The following CD99L2 variants were observed in gnomAD, a reference collection of about 807,000 sequenced individuals.
CD99L2 encodes CD99 antigen-like protein 2.
In CD99L2, 24 loss-of-function variants were observed where a neutral mutation model predicts 27.3. The ratio of observed to expected loss-of-function variants is 0.88; its 90% CI spans 0.64 to 1.24. CD99L2 has a LOEUF of 1.24. Among genes scored for constraint, CD99L2 ranks in the 50% most tolerant of loss-of-function variants. The pLI is 0.00. For missense variants in CD99L2, 255 were observed against 221.6 expected (o/e 1.15, Z -0.96); for synonymous variants, 97 against 87.9 (o/e 1.10, Z -0.58).
intron 6 of CD99L2, 84 bp from the exon 7 acceptor site, chrX:150,793,840 G>A (rs2045739626): frequency 2.3e-5 from 18 of 774,971 alleles, no homozygotes; most frequent in Non-Finnish European, 3.1e-5. Context: ...CCAAAATTCA[G>A]AAAATGATTC....
At chrX:150,798,230 AAGGAAGGAAGGAAGGAAGGG>A (rs2045842723) in intron 4 of CD99L2, among the ~76,000 whole-genome samples, 2 of 14,993 alleles carry the variant, frequency 1.3e-4, no homozygotes, top group East Asian at 2.9e-3. Context: ...GGAAGGAAGG[AAGGAAGGAAGGAAGGAAGGG>A]AGGGAGGGAG....
At chrX:150,796,244 A>C (rs189914268) in intron 4 of CD99L2, among the ~76,000 whole-genome samples, 39 of 112,643 alleles carry the variant, frequency 3.5e-4, no homozygotes, top group African/African-American at 1.2e-3. Context: ...TGATATCCAA[A>C]CTGCCTAGGG....
At chrX:150,828,777 T>C (rs1045441482) in intron 2 of CD99L2, 77 of 111,560 alleles carry the variant, frequency 6.9e-4, no homozygotes, top group African/African-American at 2.4e-3. Context: ...ACAGGTACTA[T>C]TATAACAACA....
At chrX:150,840,107 TG>T (rs1307352012) in intron 1 of CD99L2, among the ~76,000 whole-genome samples, 1 of 109,227 alleles carries the variant, frequency 9.2e-6, no homozygotes, top group East Asian at 2.9e-4. Context: ...AGGCTGAGGC[TG>T]GGGGGATCAC....
At chrX:150,874,558 T>TG (rs1557422262) in intron 1 of CD99L2, among the ~76,000 whole-genome samples, 1 of 3,499 alleles carries the variant, frequency 2.9e-4, no homozygotes, top group African/African-American at 1.4e-3. Context: ...ATCCACCAAA[T>TG]GGGGGGCGGG....
intron 4 of CD99L2, among the ~76,000 whole-genome samples, chrX:150,798,169 A>T (rs1603293417): frequency 1.3e-4 from 1 of 7,992 alleles, no homozygotes; most frequent in Non-Finnish European, 2.4e-4. Flanking sequence ...GGAGGAAAGG[A>T]AGGAAGGAAG....
Position 150,769,078 on chromosome X carries a change from G to T in CD99L2, c.745C>A (p.Gln249Lys). Residue 249 changes from glutamine to lysine, a missense_variant, in exon 11 of 11, where the codon CAG (glutamine) becomes AAG (lysine). Gln to Lys is a moderately conservative substitution (Grantham distance 53). Transcript: ENST00000370377. ...PQVKYSTLHT[Q>K]SAEPPPPPEP... is the part of the protein sequence containing the mutation. ...GGCGGCGGCGGCGGCTCTGCAGACTGCGTGTGCAACGTGGAGTATTTCACT... is the reference window on the plus strand; with the variant it reads ...GGCGGCGGCGGCGGCTCTGCAGACTTCGTGTGCAACGTGGAGTATTTCACT... 3 of 1,166,352 alleles carry T rather than the reference G, an allele frequency of 2.6e-6. No homozygotes were observed. The highest frequency in any genetic ancestry group is 3.7e-5 in the African/African-American group (2 of 54,523).
At chrX:150,878,177 A>C (rs1392212285) in intron 1 of CD99L2, among the ~76,000 whole-genome samples, 2 of 110,604 alleles carry the variant, frequency 1.8e-5, no homozygotes, top group East Asian at 5.7e-4. Context: ...GTCTCTACTA[A>C]AAATACAAAA....
At chrX:150,771,591 C>CTG (rs1557419075) in intron 9 of CD99L2, among the ~76,000 whole-genome samples, 2 of 112,102 alleles carry the variant, frequency 1.8e-5, no homozygotes, top group South Asian at 7.5e-4. Context: ...TCCCCCCACC[C>CTG]CTGCCACATC....
chrX:150,825,637 G>GT (rs1450954723), intron 2 of CD99L2, among the ~76,000 whole-genome samples: 2 of 112,450 alleles, frequency 1.8e-5, no homozygotes, highest in Non-Finnish European at 3.8e-5. Context: ...TTTTTGTGTT[G>GT]TAAGTCTTTA....
At chrX:150,825,994 C>A (rs1159547589) in intron 2 of CD99L2, among the ~76,000 whole-genome samples, 1 of 111,756 alleles carries the variant, frequency 8.9e-6, no homozygotes, top group Non-Finnish European at 1.9e-5. Context: ...AACCCCCATA[C>A]TGATGGTATT....
intron 7 of CD99L2, among the ~76,000 whole-genome samples, chrX:150,779,556 C>T (rs148562547): frequency 0.054 from 6,071 of 112,293 alleles, 144 homozygotes; most frequent in South Asian, 0.13. Flanking sequence ...CCGAGGTCAT[C>T]GCTTTGAGCC....
chrX:150,814,833 TG>T, intron 4 of CD99L2, 28 bp downstream of exon 4: 1 of 1,119,012 alleles, frequency 8.9e-7, no homozygotes, highest in Non-Finnish European at 1.2e-6. Context: ...GACAGAATCC[TG>T]TAGTAGTTTC....
intron 1 of CD99L2, among the ~76,000 whole-genome samples, chrX:150,868,442 C>A (rs2047105539): frequency 8.9e-6 from 1 of 111,888 alleles, no homozygotes; most frequent in Non-Finnish European, 1.9e-5. Context: ...GCAGAAGAAT[C>A]GCTTAGCCTG....
intron 1 of CD99L2, among the ~76,000 whole-genome samples, chrX:150,849,776 A>C (rs1557421555): frequency 9.0e-6 from 1 of 111,655 alleles, no homozygotes; most frequent in African/African-American, 3.3e-5. Flanking sequence ...CTTGTCATGG[A>C]AGCAGGCAAT....
chrX:150,798,208 GAAA>G lies in CD99L2; in HGVS notation c.278-2725_278-2723del, dbSNP rs2045840082. 3.4e-4 allele frequency among the ~76,000 whole-genome samples: 3 copies of G among 8,851 alleles called. 1 individual carries two copies. Among genetic ancestry groups the G allele is most frequent in the Admixed American group, 1.7e-3 (1 of 579 alleles). The allele number at this position is 8,851 out of a possible 115,157, so 7.7% of individuals were successfully genotyped here. A position where few individuals can be genotyped will look rare whatever the true frequency, so the allele number is the denominator to read the frequency against. Reference sequence around the variant, plus strand: ...GGGAGGGAGGGAGGGAGGGAGGGAGGAAAGGAAGGAAGGAAGGAAGGAAGGAAG... The same window carrying G: ...GGGAGGGAGGGAGGGAGGGAGGGAGGGGAAGGAAGGAAGGAAGGAAGGAAG... On this transcript the variant is annotated intron_variant, in intron 4 of 10. Coordinates refer to ENST00000370377, the MANE Select transcript of CD99L2 (RefSeq NM_031462.4).
intron 4 of CD99L2, among the ~76,000 whole-genome samples, chrX:150,804,710 AAG>A (rs781793453): frequency 2.7e-5 from 3 of 112,506 alleles, no homozygotes; most frequent in East Asian, 5.6e-4. Context: ...GACAAAGAAA[AAG>A]AGAGAGGACT....
At chrX:150,850,063 G>A (rs1372571782) in intron 1 of CD99L2, among the ~76,000 whole-genome samples, 1 of 111,867 alleles carries the variant, frequency 8.9e-6, no homozygotes, top group Non-Finnish European at 1.9e-5. Context: ...AGTGGGGAAG[G>A]TATGCCAAGA....
chrX:150,779,345 G>A (rs2045472054), intron 7 of CD99L2, among the ~76,000 whole-genome samples: 1 of 111,999 alleles, frequency 8.9e-6, no homozygotes, highest in Non-Finnish European at 1.9e-5. Flanking sequence ...CTAAAAAGAT[G>A]ACAAAAATGT....
Sources: allele counts gnomAD v4.1 joint callset (sites outside exome capture counted in the v4.1 genomes callset), GRCh38; gene constraint gnomAD v4.1.1; transcripts MANE v1.5; gene names NCBI Gene and HGNC (gene_info 2026-07-23, HGNC 2026-07-21).